The following PRPH variants were observed in gnomAD, a reference collection of about 807,000 sequenced individuals.
PRPH encodes peripherin.
Under a neutral mutation model 52.6 loss-of-function variants are expected in PRPH, and 48 were observed. The ratio of observed to expected loss-of-function variants is 0.91; its 90% CI spans 0.72 to 1.16. The LOEUF is 1.16. Among genes scored for constraint, PRPH ranks in the 50% most tolerant of loss-of-function variants. The pLI is 0.00. For missense variants in PRPH, 579 were observed against 635.7 expected (o/e 0.91, Z 0.96); for synonymous variants, 279 against 283.8 (o/e 0.98, Z 0.17).
At position 49,296,164 on chromosome 12, in the gene PRPH, G is replaced by A. The variant is rs1210095797; in HGVS notation, c.546-14G>A. On this transcript the variant is annotated splice_polypyrimidine_tract_variant and intron_variant, in intron 1 of 8. Transcript: ENST00000257860. This position sits in a 1 kb window ranked among gnomAD's most constrained non-coding sequence, Gnocchi z 5.1. ...CGACCCCGCAGTTCAGCCTCTGCAC[G>A]CTCTTCCCGTCAGGTTGGAGGAGGA... 4 of 1,610,800 alleles carry A rather than the reference G, an allele frequency of 2.5e-6. No homozygotes were observed. Among genetic ancestry groups the A allele is most frequent in the Non-Finnish European group, 2.5e-6 (3 of 1,179,664 alleles).
At position 49,295,152 on chromosome 12, in the gene PRPH, C is replaced by A; in HGVS notation, c.-49C>A. ...CTCGCAGCGGTCTGCGGCTCCTTCCCAGCCCCCGGCCTAGCTCTGCGAACG... is the reference window on the plus strand; with the variant it reads ...CTCGCAGCGGTCTGCGGCTCCTTCCAAGCCCCCGGCCTAGCTCTGCGAACG... On this transcript the variant is annotated 5_prime_UTR_variant, in exon 1 of 9. Transcript: ENST00000257860. 6.3e-7 allele frequency: 1 copy of A among 1,586,758 alleles called. No individual in the cohort carries two copies. Among genetic ancestry groups the A allele is most frequent in the East Asian group, 2.3e-5 (1 of 42,790 alleles).
Position 49,295,668 on chromosome 12 carries a change from G to GCAA in PRPH, c.469_470insAAC (p.Glu156_Leu157insGln). Reference sequence around the variant, plus strand: ...TGCGCGAGCTGCGGCGAGAGCTGGAGCTGTTGGGCCGCGAGCGTGACCGGG... The same window carrying GCAA: ...TGCGCGAGCTGCGGCGAGAGCTGGAGCAACTGTTGGGCCGCGAGCGTGACCGGG... On this transcript the variant is annotated inframe_insertion, in exon 1 of 9. Coordinates refer to ENST00000257860, the MANE Select transcript of PRPH (RefSeq NM_006262.4). 2 of 1,536,986 alleles carry GCAA rather than the reference G, an allele frequency of 1.3e-6. No individual in the cohort carries two copies. The highest frequency in any genetic ancestry group is 1.7e-6 in the Non-Finnish European group (2 of 1,144,654).
At position 49,298,388 on chromosome 12, in the gene PRPH, C is replaced by T. The variant is rs1170313410; in HGVS notation, c.*35C>T. On this transcript the variant is annotated 3_prime_UTR_variant, in exon 9 of 9. Transcript: ENST00000257860. ...TCCGGAGCCTTGACTCTGCCCTAGG[C>T]CTGCTCAAAGCCCAAACCCTAAGAC... 5.6e-6 allele frequency: 9 copies of T among 1,610,916 alleles called. No individual in the cohort carries two copies. The highest frequency in any genetic ancestry group is 7.6e-6 in the Non-Finnish European group (9 of 1,177,298).
chr12:49,295,330 C>T lies in PRPH; in HGVS notation c.130C>T (p.Arg44Cys). Residue 44 changes from arginine (R) to cysteine (C), a missense_variant, in exon 1 of 9, where the codon CGC (arginine) becomes TGC (cysteine). By Grantham distance (180) the Arg-to-Cys change is radical. Transcript: ENST00000257860. Reference protein sequence around the residue: ...YSSSSRFSSSRLLGSASPSSS... With the variant: ...YSSSSRFSSSCLLGSASPSSS... ...GTCCAGCTCCCGCTTCTCCAGCAGCCGCCTGCTGGGCTCCGCGTCCCCGAG... is the reference window on the plus strand; with the variant it reads ...GTCCAGCTCCCGCTTCTCCAGCAGCTGCCTGCTGGGCTCCGCGTCCCCGAG... The T allele has an allele frequency of 1.2e-6, 2 of 1,611,428 alleles. No homozygotes were observed. Among genetic ancestry groups the T allele is most frequent in the Non-Finnish European group, 8.5e-7 (1 of 1,179,554 alleles).
In PRPH at chr12:49,296,145, C is replaced by A; in HGVS notation, c.546-33C>A. ...TGGGGTGCGAGCTGGGCGGCGACCC[C>A]GCAGTTCAGCCTCTGCACGCTCTTC... On this transcript the variant is annotated intron_variant, in intron 1 of 8. Coordinates refer to ENST00000257860, the MANE Select transcript of PRPH (RefSeq NM_006262.4). The surrounding 1 kb of genome is among the most constrained non-coding windows in gnomAD (Gnocchi z 5.1). 5 of 1,606,606 alleles carry A rather than the reference C, an allele frequency of 3.1e-6. No individual in the cohort carries two copies. The highest frequency in any genetic ancestry group is 2.5e-6 in the Non-Finnish European group (3 of 1,178,188).
Position 49,297,821 on chromosome 12 carries a change from G to C in PRPH, c.1267+95G>C. 2 of 1,597,430 alleles carry C rather than the reference G, an allele frequency of 1.3e-6. No homozygotes were observed. The highest frequency in any genetic ancestry group is 1.7e-6 in the Non-Finnish European group (2 of 1,165,384). On this transcript the variant is annotated intron_variant, in intron 7 of 8. Transcript: ENST00000257860. The surrounding 1 kb of genome is among the most constrained non-coding windows in gnomAD (Gnocchi z 4.4). ...ACCTCAGGGATCTCTTCTCCCCACG[G>C]AACTTCTGGGTCCTGGCCTGTACCC...
Position 49,296,079 on chromosome 12 carries a change from A to G in PRPH, c.546-99A>G. 7.2e-7 allele frequency: 1 copy of G among 1,392,986 alleles called. No homozygotes were observed. The highest frequency in any genetic ancestry group is 9.9e-7 in the Non-Finnish European group (1 of 1,010,460). The allele number at this position is 1,392,986 out of a possible 1,614,324, so 86.3% of individuals were successfully genotyped here. A position where few individuals can be genotyped will look rare whatever the true frequency, so the allele number is the denominator to read the frequency against. On this transcript the variant is annotated intron_variant, in intron 1 of 8. Coordinates refer to ENST00000257860, the MANE Select transcript of PRPH (RefSeq NM_006262.4). This position sits in a 1 kb window ranked among gnomAD's most constrained non-coding sequence, Gnocchi z 5.1. Reference sequence around the variant, plus strand: ...CAGCCCTCCATTTAGAGTCCTGGGCAGCAGAACAGCCTCTAACCGGATCCT... The same window carrying G: ...CAGCCCTCCATTTAGAGTCCTGGGCGGCAGAACAGCCTCTAACCGGATCCT...
Position 49,297,890 on chromosome 12 carries a change from G to A in PRPH, c.1268-68G>A, listed in dbSNP as rs1943210138. On this transcript the variant is annotated intron_variant, in intron 7 of 8. Coordinates refer to ENST00000257860, the MANE Select transcript of PRPH (RefSeq NM_006262.4). The surrounding 1 kb of genome is among the most constrained non-coding windows in gnomAD (Gnocchi z 4.4). The stretch of plus-strand genomic sequence containing the variant: ...CGCCCCTCCCCTGCCCTCAGGGATA[G>A]CAGTGGGAGCCTAAGAGGAGAGATT... 1 of 1,588,358 alleles carries A rather than the reference G, an allele frequency of 6.3e-7. No homozygotes were observed. The highest frequency in any genetic ancestry group is 8.6e-7 in the Non-Finnish European group (1 of 1,156,812).
chr12:49,298,498 C>T lies in PRPH; in HGVS notation c.*145C>T. The T allele has an allele frequency of 2.3e-6, 2 of 851,324 alleles. No homozygotes were observed. Among genetic ancestry groups the T allele is most frequent in the Admixed American group, 2.1e-5 (1 of 46,954 alleles). The allele number at this position is 851,324 out of a possible 1,614,324, so 52.7% of individuals were successfully genotyped here. A position where few individuals can be genotyped will look rare whatever the true frequency, so the allele number is the denominator to read the frequency against. ...TTTCCTGGCTTATGGCCAAGCCCTA[C>T]CCGGCCAGCAGTCGCTGGGCCTCTC... is the stretch of plus-strand genomic sequence containing the variant. On this transcript the variant is annotated 3_prime_UTR_variant, in exon 9 of 9. Transcript: ENST00000257860.
Position 49,296,174 on chromosome 12 carries a change from T to A in PRPH, c.546-4T>A. 6.2e-7 allele frequency: 1 copy of A among 1,611,808 alleles called. No individual in the cohort carries two copies. Among genetic ancestry groups the A allele is most frequent in the Non-Finnish European group, 8.5e-7 (1 of 1,179,746 alleles). On this transcript the variant is annotated splice_polypyrimidine_tract_variant and splice_region_variant and intron_variant, in intron 1 of 8. Coordinates refer to ENST00000257860, the MANE Select transcript of PRPH (RefSeq NM_006262.4). The surrounding 1 kb of genome is among the most constrained non-coding windows in gnomAD (Gnocchi z 5.1). ...GTTCAGCCTCTGCACGCTCTTCCCG[T>A]CAGGTTGGAGGAGGAGACGCGCAAG...
Position 49,296,351 on chromosome 12 carries a change from A to T in PRPH, c.607-81A>T. The T allele has an allele frequency of 6.4e-7, 1 of 1,568,214 alleles. No homozygotes were observed. Among genetic ancestry groups the T allele is most frequent in the Admixed American group, 1.7e-5 (1 of 58,226 alleles). The stretch of plus-strand genomic sequence containing the variant: ...AAGGGGGTAACCCAGATGCCTCCTG[A>T]GGCAGACAGGGAAGGCCTGGTCCTT... On this transcript the variant is annotated intron_variant, in intron 2 of 8. Coordinates refer to ENST00000257860, the MANE Select transcript of PRPH (RefSeq NM_006262.4). This position sits in a 1 kb window ranked among gnomAD's most constrained non-coding sequence, Gnocchi z 5.1.
At position 49,297,701 on chromosome 12, in the gene PRPH, T is replaced by C. The variant is rs1024153286; in HGVS notation, c.1242T>C (p.Phe414=). 6.2e-7 allele frequency: 1 copy of C among 1,608,954 alleles called. No homozygotes were observed. Among genetic ancestry groups the C allele is most frequent in the Non-Finnish European group, 8.5e-7 (1 of 1,176,156 alleles). ...GGATCTCCGTGCCCGTCCATTCTTTTGCCTCCTTAAATATAAAGACGACTG... is the reference window on the plus strand; with the variant it reads ...GGATCTCCGTGCCCGTCCATTCTTTCGCCTCCTTAAATATAAAGACGACTG... The part of the protein sequence containing the change: ...ESRISVPVHS[F]ASLNIKTTVP... Residue 414 remains phenylalanine, a synonymous_variant, in exon 7 of 9, where the codon TTT becomes TTC. Coordinates refer to ENST00000257860, the MANE Select transcript of PRPH (RefSeq NM_006262.4). This position sits in a 1 kb window ranked among gnomAD's most constrained non-coding sequence, Gnocchi z 4.4.
rs777816192 is a variant in PRPH at position 49,297,626 on chromosome 12, C to T, written c.1217+49C>T. The T allele has an allele frequency of 9.8e-5, 75 of 764,170 alleles. No individual in the cohort carries two copies. The Admixed American group carries it at 1.5e-3, about 15-fold the overall frequency. 47.3% of individuals were successfully genotyped at this position (764,170 alleles called of 1,614,324 possible). A position where few individuals can be genotyped will look rare whatever the true frequency, so the allele number is the denominator to read the frequency against. On this transcript the variant is annotated intron_variant, in intron 6 of 8. Coordinates refer to ENST00000257860, the MANE Select transcript of PRPH (RefSeq NM_006262.4). The surrounding 1 kb of genome is among the most constrained non-coding windows in gnomAD (Gnocchi z 4.4). ...GGGCAGGGCGGGGTCGGGACTGGGC[C>T]GGGCAGGGCGGGGCCTGGGCAGGGG...
In PRPH at chr12:49,295,226, G is replaced by A. The variant is rs57451017; in HGVS notation, c.26G>A (p.Arg9Gln). MSHHPSGL[R>Q]AGFSSTSYRR... ...ATGAGCCACCACCCGTCGGGCCTCC[G>A]GGCCGGCTTCAGCTCCACCTCATAC... Residue 9 changes from arginine (R) to glutamine (Q), a missense_variant, in exon 1 of 9, where the codon CGG (arginine) becomes CAG (glutamine). Transcript: ENST00000257860. 19,077 of 1,611,522 alleles carry A rather than the reference G, an allele frequency of 0.012. 254 individuals carry two copies. Among genetic ancestry groups the A allele is most frequent in the Middle Eastern group, 0.058 (354 of 6,058 alleles).
At chr12:49,295,871 C>T (rs954501370) in intron 1 of PRPH, 126 bp downstream of exon 1, 1 of 1,439,900 alleles carries the variant, frequency 6.9e-7, no homozygotes, top group African/African-American at 1.4e-5. Flanking sequence ...CCCTTACCAA[C>T]CCAGGTGTGT....
At position 49,296,911 on chromosome 12, in the gene PRPH, GT is replaced by G; in HGVS notation, c.726del (p.Ser242ArgfsTer16). ...TAGGAGCTGCGAGACCTGCAGGTGA[GT>G]GTGGAGAGCCAGCAGGTGCAGCAGG... ...HEEELRDLQV[S>X]VESQQVQQVE... On this transcript the variant is annotated frameshift_variant, in exon 4 of 9. Coordinates refer to ENST00000257860, the MANE Select transcript of PRPH (RefSeq NM_006262.4). LOFTEE classifies it high-confidence loss of function. The surrounding 1 kb of genome is among the most constrained non-coding windows in gnomAD (Gnocchi z 5.1). 1 of 1,612,802 alleles carries G rather than the reference GT, an allele frequency of 6.2e-7. No individual in the cohort carries two copies.
At chr12:49,298,141 A>G in intron 8 of PRPH, 104 bp downstream of exon 8, 3 of 1,485,776 alleles carry the variant, frequency 2.0e-6, no homozygotes, top group South Asian at 2.3e-5. Flanking sequence ...ATTCTTGGGG[A>G]GAGACAGAGA....
In PRPH at chr12:49,296,428, G is replaced by C. The variant is rs1405413515; in HGVS notation, c.607-4G>C. 1.2e-6 allele frequency: 2 copies of C among 1,613,992 alleles called. No individual in the cohort carries two copies. The highest frequency in any genetic ancestry group is 1.7e-6 in the Non-Finnish European group (2 of 1,179,900). On this transcript the variant is annotated splice_region_variant and splice_polypyrimidine_tract_variant and intron_variant, in intron 2 of 8. Coordinates refer to ENST00000257860, the MANE Select transcript of PRPH (RefSeq NM_006262.4). This position sits in a 1 kb window ranked among gnomAD's most constrained non-coding sequence, Gnocchi z 5.1. ...TCTTGAACCTCCACTGCCACCCCTC[G>C]AAGGACGTGGACGATGCCACTCTGT...
Position 49,297,085 on chromosome 12 carries a change from G to A in PRPH, c.870+29G>A. The A allele has an allele frequency of 6.2e-7, 1 of 1,613,886 alleles. No homozygotes were observed. Among genetic ancestry groups the A allele is most frequent in the Non-Finnish European group, 8.5e-7 (1 of 1,179,940 alleles). On this transcript the variant is annotated intron_variant, in intron 4 of 8. Coordinates refer to ENST00000257860, the MANE Select transcript of PRPH (RefSeq NM_006262.4). The surrounding 1 kb of genome is among the most constrained non-coding windows in gnomAD (Gnocchi z 4.4). ...CAAGAGCCGGGAGGGCCTGCGAGGCGGGACGCTGGGGTGGTGTCGCGCGTC... is the reference window on the plus strand; with the variant it reads ...CAAGAGCCGGGAGGGCCTGCGAGGCAGGACGCTGGGGTGGTGTCGCGCGTC...
Sources: allele counts gnomAD v4.1 joint callset, GRCh38; gene constraint gnomAD v4.1.1; non-coding constraint Gnocchi (gnomAD v3.1); transcripts MANE v1.5; gene names NCBI Gene and HGNC (gene_info 2026-07-23, HGNC 2026-07-21).